The following BAIAP2 variants were observed in gnomAD, a reference collection of about 807,000 sequenced individuals.
BAIAP2 encodes the protein BAR/IMD domain containing adaptor protein 2.
Under a neutral mutation model 63.0 loss-of-function variants are expected in BAIAP2, and 18 were observed. The ratio of observed to expected loss-of-function variants is 0.29; its 90% CI spans 0.20 to 0.42. The LOEUF (loss-of-function observed/expected upper bound fraction) is 0.42. BAIAP2 is among the 10% of genes least tolerant of loss of function. The pLI, the probability that BAIAP2 is intolerant of heterozygous loss-of-function variation, is 1.00. For synonymous variants in BAIAP2, 386 were observed against 307.6 expected (o/e 1.25, Z -2.67); for missense variants, 610 against 734.3 (o/e 0.83, Z 1.96).
chr17:81,094,831 T>G (rs1219470193), intron 6 of BAIAP2, among the ~76,000 whole-genome samples: 1 of 152,164 alleles, frequency 6.6e-6, no homozygotes, highest in Non-Finnish European at 1.5e-5. Context: ...TCCTTTCGAG[T>G]AAGTGTTACC....
chr17:81,116,957 C>T lies in BAIAP2; in HGVS notation c.*1118C>T, dbSNP rs2060566685. On this transcript the variant is annotated 3_prime_UTR_variant, in exon 14 of 14. Coordinates refer to ENST00000428708, the MANE Select transcript of BAIAP2 (RefSeq NM_001144888.2). ...CCAGCTGTGCTCAACTCTCCTGCCT[C>T]CGCCTTCCACCCTGGGCCCAGGGAC... 1 of 152,558 alleles carries T rather than the reference C, an allele frequency of 6.6e-6. No homozygotes were observed. The allele number at this position is 152,558 out of a possible 1,614,324, so 9.5% of individuals were successfully genotyped here. A position where few individuals can be genotyped will look rare whatever the true frequency, so the allele number is the denominator to read the frequency against.
intron 6 of BAIAP2, chr17:81,087,683 TGGGGG>T (rs2055939257): frequency 6.6e-6 from 1 of 152,172 alleles, no homozygotes; most frequent in Non-Finnish European, 1.5e-5. Context: ...ACGGGGGAGC[TGGGGG>T]TCCCTCGGGT....
chr17:81,069,283 C>T (rs998150959), intron 3 of BAIAP2, among the ~76,000 whole-genome samples: 7 of 152,192 alleles, frequency 4.6e-5, no homozygotes, highest in African/African-American at 9.7e-5. Flanking sequence ...GACTGTGTCC[C>T]GGGCAGAGAC....
At chr17:81,037,658 C>A (rs1054187772) in intron 1 of BAIAP2, among the ~76,000 whole-genome samples, 64 of 152,258 alleles carry the variant, frequency 4.2e-4, no homozygotes, top group African/African-American at 1.3e-3. Flanking sequence ...CTTCCCGGGG[C>A]CGCTCCTGTG....
chr17:81,050,721 ACACAAATGTG>A (rs11276952), intron 1 of BAIAP2, among the ~76,000 whole-genome samples: 100,040 of 150,748 alleles, frequency 0.66, 33,626 homozygotes, highest in Non-Finnish European at 0.73. Flanking sequence ...ACACACACGC[ACACAAATGTG>A]CACATGCACA....
intron 3 of BAIAP2, among the ~76,000 whole-genome samples, chr17:81,084,479 G>A (rs1201554280): frequency 6.6e-6 from 1 of 152,156 alleles, no homozygotes; most frequent in Non-Finnish European, 1.5e-5. Context: ...CTCTGCGAAC[G>A]ACAGCCGGAT....
intron 3 of BAIAP2, among the ~76,000 whole-genome samples, chr17:81,077,566 A>G (rs1403050935): frequency 2.2e-5 from 1 of 45,356 alleles, no homozygotes; most frequent in African/African-American, 9.5e-5. Context: ...TCTGTCTCAA[A>G]AAAAAAAAAA....
intron 3 of BAIAP2, among the ~76,000 whole-genome samples, chr17:81,069,549 G>C (rs1032609588): frequency 2.6e-5 from 4 of 152,228 alleles, no homozygotes; most frequent in Non-Finnish European, 4.4e-5. Flanking sequence ...CTGGCTTCAA[G>C]GACGCCTGCT....
rs549631601 is a variant in BAIAP2 at position 81,103,149 on chromosome 17, C to T, written c.643-353C>T. Among the ~76,000 whole-genome samples, 18 of 152,330 alleles carry T rather than the reference C, an allele frequency of 1.2e-4. No individual in the cohort carries two copies. In the Middle Eastern group the frequency reaches 0.01, roughly 86 times the overall value. On this transcript the variant is annotated intron_variant, in intron 7 of 13. Transcript: ENST00000428708. ...CACCCCCTCCCCCGGCCATCTGGGG[C>T]GCCTTCCTGGCACTTTGGGGTTTGC...
intron 6 of BAIAP2, among the ~76,000 whole-genome samples, chr17:81,094,676 G>A (rs909323214): frequency 6.6e-6 from 1 of 152,124 alleles, no homozygotes; most frequent in Non-Finnish European, 1.5e-5. Context: ...CTCTGCCTGG[G>A]TACCGTGCCC....
rs2047831280 is a variant in BAIAP2 at position 81,046,521 on chromosome 17, C to A, written c.55-7147C>A. Among the ~76,000 whole-genome samples the A allele has an allele frequency of 6.6e-6, 1 of 152,152 alleles. No homozygotes were observed. The highest frequency in any genetic ancestry group is 2.4e-5 in the African/African-American group (1 of 41,418). ...CTTGCCCTGTGAGCCAGCTCCCAGGCTCTGGAGCTCATCGGTGCTCCTGTG... is the reference window on the plus strand; with the variant it reads ...CTTGCCCTGTGAGCCAGCTCCCAGGATCTGGAGCTCATCGGTGCTCCTGTG... On this transcript the variant is annotated intron_variant, in intron 1 of 13. Coordinates refer to ENST00000428708, the MANE Select transcript of BAIAP2 (RefSeq NM_001144888.2). This position sits in a 1 kb window ranked among gnomAD's most constrained non-coding sequence, Gnocchi z 4.5.
chr17:81,103,468 C>T, intron 7 of BAIAP2, 34 bp from the exon 8 acceptor site: 2 of 1,533,666 alleles, frequency 1.3e-6, no homozygotes, highest in South Asian at 2.4e-5. Context: ...CTGAGCCGGC[C>T]CTGACCCCTC....
At chr17:81,047,392 C>T (rs112450441) in intron 1 of BAIAP2, among the ~76,000 whole-genome samples, 12,893 of 152,200 alleles carry the variant, frequency 0.085, 753 homozygotes, top group Non-Finnish European at 0.13. Context: ...CTAAGGCAGC[C>T]GGAGAGGGTC....
At chr17:81,068,520 G>C (rs1431796541) in intron 3 of BAIAP2, among the ~76,000 whole-genome samples, 1 of 152,214 alleles carries the variant, frequency 6.6e-6, no homozygotes, top group African/African-American at 2.4e-5. Flanking sequence ...ACCAGAAGCC[G>C]CTCCTGAATC....
chr17:81,104,932 C>T (rs952972553), intron 10 of BAIAP2, among the ~76,000 whole-genome samples: 5 of 152,122 alleles, frequency 3.3e-5, no homozygotes, highest in Non-Finnish European at 7.4e-5. Context: ...CCCCAACCAC[C>T]TCCCTGCAGG....
intron 1 of BAIAP2, among the ~76,000 whole-genome samples, chr17:81,050,897 C>T (rs116021696): frequency 0.017 from 2,561 of 151,610 alleles, 83 homozygotes; most frequent in African/African-American, 0.059. Flanking sequence ...AAGAAACGCG[C>T]ATCCGGCAGC....
At position 81,062,912 on chromosome 17, in the gene BAIAP2, T is replaced by TC. The variant is rs1310494445; in HGVS notation, c.217+4952dup. Among the ~76,000 whole-genome samples the TC allele has an allele frequency of 1.4e-4, 18 of 132,560 alleles. No homozygotes were observed. The South Asian group carries it at 1.4e-3, about 10-fold the overall frequency. 87.0% of individuals were successfully genotyped at this position (132,560 alleles called of 152,430 possible). On this transcript the variant is annotated intron_variant, in intron 3 of 13. Transcript: ENST00000428708. ...GTGCTGATTTTATGTGAGTGTTACTTCCCCCCCGCCCCCCCGCCGCCCCCA... is the reference window on the plus strand; with the variant it reads ...GTGCTGATTTTATGTGAGTGTTACTTCCCCCCCCGCCCCCCCGCCGCCCCCA...
intron 3 of BAIAP2, among the ~76,000 whole-genome samples, chr17:81,058,692 G>A (rs117025452): frequency 0.033 from 5,019 of 152,366 alleles, 139 homozygotes; most frequent in Non-Finnish European, 0.051. Context: ...TGAGTCGCTG[G>A]AGAAACCACT....
At chr17:81,076,124 G>A (rs987865253) in intron 3 of BAIAP2, 6 of 152,166 alleles carry the variant, frequency 3.9e-5, no homozygotes. Context: ...TGCTTGGCTG[G>A]GGGGAGTGCC....
Sources: gnomAD v4.1 joint callset for allele counts (sites outside exome capture counted in the v4.1 genomes callset) on GRCh38, gnomAD v4.1.1 for gene constraint, Gnocchi (gnomAD v3.1) non-coding constraint, MANE v1.5 for transcripts, NCBI Gene and HGNC (gene_info 2026-07-23, HGNC 2026-07-21) for gene names.